FBXO32: variants seen among roughly 807,000 people sequenced by gnomAD.
The protein encoded by FBXO32 is F-box protein 32, also known as F-box only protein 32.
FBXO32 carries 15 observed loss-of-function variants against 48.3 expected under a neutral mutation model. The ratio of observed to expected loss-of-function variants is 0.31; its 90% CI spans 0.21 to 0.48. The LOEUF is 0.48. Among genes scored for constraint, FBXO32 ranks in the 20% least tolerant of loss-of-function variants. The probability of loss-of-function intolerance (pLI) is 0.99; values close to 1 mark genes in which losing one functional copy is unlikely to be tolerated. For missense variants in FBXO32, 309 were observed against 432.7 expected (o/e 0.71, Z 2.54); for synonymous variants, 154 against 165.9 (o/e 0.93, Z 0.55).
Position 123,506,383 on chromosome 8 carries a change from C to G in FBXO32, c.834+9G>C. On this transcript the variant is annotated intron_variant, in intron 7 of 8. Transcript: ENST00000517956. This position sits in a 1 kb window ranked among gnomAD's most constrained non-coding sequence, Gnocchi z 4.0. ...AGGGTGGGAGGAAAGCCCACTGGGC[C>G]TTGCTGACCTGCCGCTCGGAGAAGT... The G allele has an allele frequency of 6.2e-7, 1 of 1,612,380 alleles. No homozygotes were observed. Among genetic ancestry groups the G allele is most frequent in the South Asian group, 1.1e-5 (1 of 90,814 alleles).
intron 4 of FBXO32, among the ~76,000 whole-genome samples, chr8:123,529,029 C>T (rs1817147421): frequency 6.6e-6 from 1 of 152,092 alleles, no homozygotes; most frequent in South Asian, 2.1e-4. Context: ...AGAAGGAAAA[C>T]CTCAAAACAC....
Position 123,504,617 on chromosome 8 carries a change from A to T in FBXO32, c.965T>A (p.Ile322Asn), listed in dbSNP as rs553481683. ...DTLQLCKHCH[I>N]LSWKGTDHPC... ...TGAGACACATACCTTCCAGGAAAGG[A>T]TGTGACAGTGTTTGCAGAGCTGAAG... is the stretch of plus-strand genomic sequence containing the variant. The change falls in exon 8 of 9, where the codon ATC becomes AAC. Residue 322 changes from isoleucine to asparagine, a missense_variant. Physicochemically the swap from Ile to Asn is moderately radical, Grantham distance 149. Transcript: ENST00000517956. 3 of 1,613,340 alleles carry T rather than the reference A, an allele frequency of 1.9e-6. No individual in the cohort carries two copies. The highest frequency in any genetic ancestry group is 3.3e-5 in the Admixed American group (2 of 59,942).
Position 123,501,336 on chromosome 8 carries a change from GA to G in FBXO32, c.*2036del, listed in dbSNP as rs1296220648. ...AGTCTAGGTCCTGCATTCCCAATGT[GA>G]AATTGGTTCAGGGGGAGAGGGATTG... is the stretch of plus-strand genomic sequence containing the variant. On this transcript the variant is annotated 3_prime_UTR_variant, in exon 9 of 9. Coordinates refer to ENST00000517956, the MANE Select transcript of FBXO32 (RefSeq NM_058229.4). The G allele has an allele frequency of 6.8e-6, 1 of 146,160 alleles. No individual in the cohort carries two copies. Among genetic ancestry groups the G allele is most frequent in the Non-Finnish European group, 1.5e-5 (1 of 66,820 alleles). 9.1% of individuals were successfully genotyped at this position (146,160 alleles called of 1,614,324 possible).
intron 1 of FBXO32, among the ~76,000 whole-genome samples, chr8:123,535,646 G>C (rs1056583258): frequency 3.3e-5 from 5 of 152,148 alleles, no homozygotes; most frequent in Non-Finnish European, 5.9e-5. Context: ...GCAATCATTT[G>C]AGGGGTAATG....
At chr8:123,526,781 C>G (rs958408256) in intron 4 of FBXO32, among the ~76,000 whole-genome samples, 1 of 152,192 alleles carries the variant, frequency 6.6e-6, no homozygotes, top group Non-Finnish European at 1.5e-5. Flanking sequence ...CAAATTCATT[C>G]TCATGGTGTC....
intron 1 of FBXO32, among the ~76,000 whole-genome samples, chr8:123,539,819 G>A (rs1817375841): frequency 1.3e-5 from 2 of 152,198 alleles, no homozygotes; most frequent in Non-Finnish European, 2.9e-5. Context: ...GTCAATTTAA[G>A]GGTGCAGGGG....
chr8:123,531,109 A>T (rs1027715403), intron 4 of FBXO32, among the ~76,000 whole-genome samples: 1 of 150,322 alleles, frequency 6.7e-6, no homozygotes, highest in East Asian at 2.0e-4. Context: ...CCTCCCAAGT[A>T]GCTGGGATTA....
chr8:123,502,197 A>C lies in FBXO32; in HGVS notation c.*1176T>G, dbSNP rs1816507543. 1 of 152,208 alleles carries C rather than the reference A, an allele frequency of 6.6e-6. No individual in the cohort carries two copies. The highest frequency in any genetic ancestry group is 2.1e-4 in the South Asian group (1 of 4,826). The allele number at this position is 152,208 out of a possible 1,614,324, so 9.4% of individuals were successfully genotyped here. Reference sequence around the variant, plus strand: ...TTTTGATGTTGGACCTAAAGAAAAGAAGCTCCTCAGCTCATCCCCTTGGCA... The same window carrying C: ...TTTTGATGTTGGACCTAAAGAAAAGCAGCTCCTCAGCTCATCCCCTTGGCA... On this transcript the variant is annotated 3_prime_UTR_variant, in exon 9 of 9. Transcript: ENST00000517956.
In FBXO32 at chr8:123,513,514, T is replaced by C; in HGVS notation, c.467-132A>G. 1 of 768,082 alleles carries C rather than the reference T, an allele frequency of 1.3e-6. No individual in the cohort carries two copies. The highest frequency in any genetic ancestry group is 2.7e-5 in the East Asian group (1 of 36,786). 47.6% of individuals were successfully genotyped at this position (768,082 alleles called of 1,614,324 possible). ...GCCTCTGGGGATATGGTTTTCTTCC[T>C]CACCAGTGTTTATTGTACGCTTGGC... On this transcript the variant is annotated intron_variant, in intron 5 of 8. Coordinates refer to ENST00000517956, the MANE Select transcript of FBXO32 (RefSeq NM_058229.4). The surrounding 1 kb of genome is among the most constrained non-coding windows in gnomAD (Gnocchi z 4.3).
At chr8:123,523,588 C>CT (rs58068183) in intron 4 of FBXO32, among the ~76,000 whole-genome samples, 15,556 of 146,380 alleles carry the variant, frequency 0.11, 884 homozygotes, top group African/African-American at 0.14. Flanking sequence ...GACTCCGTCT[C>CT]AAAACAAAAC....
Position 123,513,628 on chromosome 8 carries a change from T to C in FBXO32, c.467-246A>G, listed in dbSNP as rs1175404789. On this transcript the variant is annotated intron_variant, in intron 5 of 8. Coordinates refer to ENST00000517956, the MANE Select transcript of FBXO32 (RefSeq NM_058229.4). The surrounding 1 kb of genome is among the most constrained non-coding windows in gnomAD (Gnocchi z 4.3). ...TCTCTCTCATTTTCTATAAAGCCTCTTTCTCTTTTCATTGTTCTCCCAGCA... is the reference window on the plus strand; with the variant it reads ...TCTCTCTCATTTTCTATAAAGCCTCCTTCTCTTTTCATTGTTCTCCCAGCA... Among the ~76,000 whole-genome samples the C allele has an allele frequency of 1.3e-5, 2 of 152,176 alleles. No homozygotes were observed. The highest frequency in any genetic ancestry group is 6.5e-5 in the Admixed American group (1 of 15,280).
Position 123,533,290 on chromosome 8 carries a change from G to T in FBXO32, c.230-50C>A, listed in dbSNP as rs760130232. 1.4e-5 allele frequency: 20 copies of T among 1,387,564 alleles called. 1 individual carries two copies. The Middle Eastern group carries it at 9.0e-4, about 62-fold the overall frequency. 86.0% of individuals were successfully genotyped at this position (1,387,564 alleles called of 1,614,324 possible). A position where few individuals can be genotyped will look rare whatever the true frequency, so the allele number is the denominator to read the frequency against. ...GCTTTAACATCTGCAACATGCTCAAGATTTAAGACATTTCATTTCATTTAT... is the reference window on the plus strand; with the variant it reads ...GCTTTAACATCTGCAACATGCTCAATATTTAAGACATTTCATTTCATTTAT... On this transcript the variant is annotated intron_variant, in intron 2 of 8. Coordinates refer to ENST00000517956, the MANE Select transcript of FBXO32 (RefSeq NM_058229.4).
At chr8:123,507,552 T>G (rs897551564) in intron 6 of FBXO32, among the ~76,000 whole-genome samples, 1 of 149,768 alleles carries the variant, frequency 6.7e-6, no homozygotes. Context: ...ACTTCTCTAT[T>G]TCAACCGAGG....
intron 8 of FBXO32, 58 bp downstream of exon 8, chr8:123,504,545 AC>A (rs1433755700): frequency 2.3e-5 from 32 of 1,362,588 alleles, no homozygotes; most frequent in Non-Finnish European, 2.6e-5. Flanking sequence ...GCTGGCTGGC[AC>A]TCTTGGCTCT....
At position 123,500,604 on chromosome 8, in the gene FBXO32, A is replaced by G. The variant is rs1172174610; in HGVS notation, c.*2769T>C. 1 of 152,188 alleles carries G rather than the reference A, an allele frequency of 6.6e-6. No homozygotes were observed. The highest frequency in any genetic ancestry group is 1.5e-5 in the Non-Finnish European group (1 of 68,040). 9.4% of individuals were successfully genotyped at this position (152,188 alleles called of 1,614,324 possible). On this transcript the variant is annotated 3_prime_UTR_variant, in exon 9 of 9. Coordinates refer to ENST00000517956, the MANE Select transcript of FBXO32 (RefSeq NM_058229.4). The stretch of plus-strand genomic sequence containing the variant: ...AGAATTGTCTTAACTCTCTTCACTT[A>G]TATGTGAGGCTCTGGCCATACTTAA...
intron 6 of FBXO32, among the ~76,000 whole-genome samples, chr8:123,512,529 CT>C (rs1205869212): frequency 0.14 from 18,758 of 135,348 alleles, 1,390 homozygotes; most frequent in East Asian, 0.41. Context: ...GTCTTCCTCC[CT>C]TTTTTTTTTT....
rs4871383 is a variant in FBXO32, at chr8:123,502,476, T to C, written c.*897A>G. 96,098 of 152,204 alleles carry C rather than the reference T, an allele frequency of 0.63. 33,608 individuals are homozygous for C. The highest frequency in any genetic ancestry group is 0.8 in the South Asian group (3,848 of 4,830). 9.4% of individuals were successfully genotyped at this position (152,204 alleles called of 1,614,324 possible). ...GTTTTGTTTTGGAGACAGGCTGGAG[T>C]GCAGTGGCACAATCATAGCTCACTG... On this transcript the variant is annotated 3_prime_UTR_variant, in exon 9 of 9. Coordinates refer to ENST00000517956, the MANE Select transcript of FBXO32 (RefSeq NM_058229.4).
At chr8:123,516,917 G>A (rs1001693771) in intron 4 of FBXO32, among the ~76,000 whole-genome samples, 5 of 152,130 alleles carry the variant, frequency 3.3e-5, no homozygotes, top group African/African-American at 7.2e-5. Context: ...TGACCACACC[G>A]AATGCTGTGG....
At chr8:123,534,979 C>T (rs1194538998) in intron 1 of FBXO32, among the ~76,000 whole-genome samples, 165 bp from the exon 2 acceptor site, 1 of 152,152 alleles carries the variant, frequency 6.6e-6, no homozygotes, top group Admixed American at 6.5e-5. Flanking sequence ...TCTATACAGT[C>T]ACAGGCTTCT....
Sources: gnomAD v4.1 joint callset for allele counts (sites outside exome capture counted in the v4.1 genomes callset) on GRCh38, gnomAD v4.1.1 for gene constraint, Gnocchi (gnomAD v3.1) non-coding constraint, MANE v1.5 for transcripts, NCBI Gene and HGNC (gene_info 2026-07-23, HGNC 2026-07-21) for gene names.